Variants in KCNQ1 observed in about 807,000 individuals in gnomAD.
The protein encoded by KCNQ1 is potassium voltage-gated channel subfamily KQT member 1.
KCNQ1 carries 49 observed loss-of-function variants against 72.4 expected under a neutral mutation model. The ratio of observed to expected loss-of-function variants is 0.68; its 90% CI spans 0.54 to 0.86. The LOEUF (loss-of-function observed/expected upper bound fraction) is 0.86, where lower values mean the gene tolerates loss of function less well. Ranked by LOEUF, KCNQ1 falls within the 40% of genes least tolerant of loss-of-function variation. The probability of loss-of-function intolerance (pLI) is 0.00; values close to 1 mark genes in which losing one functional copy is unlikely to be tolerated. For missense variants in KCNQ1, 790 were observed against 945.1 expected, an observed-to-expected ratio of 0.84 and a Z score of 2.15; for synonymous variants, 450 against 412.6, an observed-to-expected ratio of 1.09 and a Z score of -1.10.
Position 2,653,189 on chromosome 11 carries a change from G to A in KCNQ1, c.1394-8772G>A, listed in dbSNP as rs1408639268. The A allele has an allele frequency of 5.0e-6, 2 of 398,742 alleles. No homozygotes were observed. The highest frequency in any genetic ancestry group is 7.1e-5 in the East Asian group (2 of 28,070). 24.7% of individuals were successfully genotyped at this position (398,742 alleles called of 1,614,324 possible). On this transcript the variant is annotated intron_variant, in intron 10 of 15. Transcript: ENST00000155840. The surrounding 1 kb of genome is among the most constrained non-coding windows in gnomAD (Gnocchi z 5.3). ...GGAAATCCCTTTCCAAGAGTTCCCT[G>A]TGCTGTTGCAGGGCTAGGGCCAGGG...
At chr11:2,632,290 G>A (rs529349343) in intron 10 of KCNQ1, 1 of 398,340 alleles carries the variant, frequency 2.5e-6, no homozygotes, top group Non-Finnish European at 4.4e-6. Flanking sequence ...AGTTTTCAGG[G>A]ATTTCTACAA....
chr11:2,588,281 C>T lies in KCNQ1; in HGVS notation c.1252-432C>T, dbSNP rs1355187556. Among the ~76,000 whole-genome samples, 1 of 152,094 alleles carries T rather than the reference C, an allele frequency of 6.6e-6. No homozygotes were observed. The highest frequency in any genetic ancestry group is 1.9e-4 in the East Asian group (1 of 5,184). ...CAGTTTCCAGCTGCCGGTGGAGCCT[C>T]CGTGCCTACTGTTCCCTGTGCTGGA... On this transcript the variant is annotated intron_variant, in intron 9 of 15. Coordinates refer to ENST00000155840, the MANE Select transcript of KCNQ1 (RefSeq NM_000218.3). The surrounding 1 kb of genome is among the most constrained non-coding windows in gnomAD (Gnocchi z 5.6).
At position 2,678,369 on chromosome 11, in the gene KCNQ1, TA is replaced by T. The variant is rs1414687351; in HGVS notation, c.1514+16291del. 2 of 398,492 alleles carry T rather than the reference TA, an allele frequency of 5.0e-6. No individual in the cohort carries two copies. Among genetic ancestry groups the T allele is most frequent in the Non-Finnish European group, 8.8e-6 (2 of 226,054 alleles). 24.7% of individuals were successfully genotyped at this position (398,492 alleles called of 1,614,324 possible). On this transcript the variant is annotated intron_variant, in intron 11 of 15. Transcript: ENST00000155840. The surrounding 1 kb of genome is among the most constrained non-coding windows in gnomAD (Gnocchi z 4.9). ...TTTATCGGGATTTTGACAGAGTAAT[TA>T]AATCCAATTTGGTTTCCCATATATT...
At position 2,698,888 on chromosome 11, in the gene KCNQ1, C is replaced by T. The variant is rs912664076; in HGVS notation, c.1514+36807C>T. Reference sequence around the variant, plus strand: ...GACTGGGACCCCAACTACTCAGATCCCAACTCAGGCAAACTCCCAGCCAGG... The same window carrying T: ...GACTGGGACCCCAACTACTCAGATCTCAACTCAGGCAAACTCCCAGCCAGG... On this transcript the variant is annotated intron_variant, in intron 11 of 15. Transcript: ENST00000155840. This position sits in a 1 kb window ranked among gnomAD's most constrained non-coding sequence, Gnocchi z 5.1. 29 of 398,788 alleles carry T rather than the reference C, an allele frequency of 7.3e-5. No homozygotes were observed. The highest frequency in any genetic ancestry group is 5.9e-4 in the African/African-American group (29 of 48,744). 24.7% of individuals were successfully genotyped at this position (398,788 alleles called of 1,614,324 possible). A position where few individuals can be genotyped will look rare whatever the true frequency, so the allele number is the denominator to read the frequency against.
At chr11:2,561,515 C>G (rs1848166933) in intron 2 of KCNQ1, among the ~76,000 whole-genome samples, 1 of 152,240 alleles carries the variant, frequency 6.6e-6, no homozygotes, top group Admixed American at 6.5e-5. Flanking sequence ...TCATTTCGCC[C>G]TCCCCACAGT....
intron 10 of KCNQ1, chr11:2,614,713 A>G (rs942405141): frequency 1.0e-5 from 4 of 398,326 alleles, no homozygotes; most frequent in African/African-American, 8.2e-5. Context: ...TACATTCTCT[A>G]TTATATTCCA....
Position 2,585,197 on chromosome 11 carries a change from T to A in KCNQ1, c.1033-15T>A, listed in dbSNP as rs534945737. On this transcript the variant is annotated splice_polypyrimidine_tract_variant and intron_variant, in intron 7 of 15. Coordinates refer to ENST00000155840, the MANE Select transcript of KCNQ1 (RefSeq NM_000218.3). ...GGCCTGTGTGGACGGGAGCCTCCTG[T>A]CCATTCCTTCCCAGGGGATTCTTGG... The A allele has an allele frequency of 1.3e-5, 21 of 1,611,750 alleles. No individual in the cohort carries two copies. The African/African-American group carries it at 1.6e-4, about 12-fold the overall frequency.
rs1398756867 is a variant in KCNQ1 at position 2,769,323 on chromosome 11, C to G, written c.1590+404C>G. 1.3e-5 allele frequency among the ~76,000 whole-genome samples: 2 copies of G among 152,150 alleles called. No individual in the cohort carries two copies. Among genetic ancestry groups the G allele is most frequent in the African/African-American group, 4.8e-5 (2 of 41,440 alleles). On this transcript the variant is annotated intron_variant, in intron 12 of 15. Coordinates refer to ENST00000155840, the MANE Select transcript of KCNQ1 (RefSeq NM_000218.3). The surrounding 1 kb of genome is among the most constrained non-coding windows in gnomAD (Gnocchi z 4.6). ...TCACCAAGCTGGGAAGGCAGGTCCCCCAGACCCCCCAGCCCTGTCCTCCAC... is the reference window on the plus strand; with the variant it reads ...TCACCAAGCTGGGAAGGCAGGTCCCGCAGACCCCCCAGCCCTGTCCTCCAC...
At chr11:2,448,788 C>T (rs1220994048) in intron 1 of KCNQ1, among the ~76,000 whole-genome samples, 2 of 152,230 alleles carry the variant, frequency 1.3e-5, no homozygotes, top group African/African-American at 4.8e-5. Flanking sequence ...TGGTCTCATC[C>T]CCTGGCTGTC....
chr11:2,543,151 C>A lies in KCNQ1; in HGVS notation c.477+15133C>A, dbSNP rs1847854092. ...GACATATCTTTTTAAATGTTTCACC[C>A]ATTGTAAAATTGGGCTGTTTGTCAT... is the stretch of plus-strand genomic sequence containing the variant. On this transcript the variant is annotated intron_variant, in intron 2 of 15. Transcript: ENST00000155840. The surrounding 1 kb of genome is among the most constrained non-coding windows in gnomAD (Gnocchi z 5.6). Among the ~76,000 whole-genome samples the A allele has an allele frequency of 6.6e-6, 1 of 152,230 alleles. No homozygotes were observed. The highest frequency in any genetic ancestry group is 2.4e-5 in the African/African-American group (1 of 41,454).
intron 15 of KCNQ1, among the ~76,000 whole-genome samples, chr11:2,837,071 TG>T (rs979539907): frequency 6.6e-6 from 1 of 152,020 alleles, no homozygotes; most frequent in Non-Finnish European, 1.5e-5. Flanking sequence ...AGCCCTCTCC[TG>T]GGGATGGGCA....
At chr11:2,675,167 C>A (rs2073956) in intron 11 of KCNQ1, 2 of 398,464 alleles carry the variant, frequency 5.0e-6, no homozygotes, top group South Asian at 1.3e-4. Flanking sequence ...AGTGCTCTAG[C>A]GGGGAAAGAT....
At chr11:2,756,441 T>TAAAAAAAAAA in intron 11 of KCNQ1, among the ~76,000 whole-genome samples, 1 of 137,246 alleles carries the variant, frequency 7.3e-6, no homozygotes, top group Non-Finnish European at 1.6e-5. Flanking sequence ...TTACTAAAAT[T>TAAAAAAAAAA]AAAAAAAAAA....
At position 2,497,886 on chromosome 11, in the gene KCNQ1, T is replaced by C. The variant is rs1392664436; in HGVS notation, c.387-30042T>C. ...GTCCCTTTTGTTGATGTTGATTTTGTTGCTTTCTGTTTGCTAGCTTTTCTT... is the reference window on the plus strand; with the variant it reads ...GTCCCTTTTGTTGATGTTGATTTTGCTGCTTTCTGTTTGCTAGCTTTTCTT... On this transcript the variant is annotated intron_variant, in intron 1 of 15. Transcript: ENST00000155840. The surrounding 1 kb of genome is among the most constrained non-coding windows in gnomAD (Gnocchi z 4.5). Among the ~76,000 whole-genome samples, 1 of 152,194 alleles carries C rather than the reference T, an allele frequency of 6.6e-6. No homozygotes were observed. The highest frequency in any genetic ancestry group is 1.5e-5 in the Non-Finnish European group (1 of 68,022).
intron 10 of KCNQ1, chr11:2,636,072 A>C (rs1296008324): frequency 6.6e-6 from 1 of 152,240 alleles, no homozygotes; most frequent in Admixed American, 6.5e-5. Context: ...TATCAGCTTA[A>C]GGAGATTTTG....
chr11:2,583,898 G>A (rs928067343), intron 7 of KCNQ1, among the ~76,000 whole-genome samples: 3 of 149,932 alleles, frequency 2.0e-5, no homozygotes, highest in African/African-American at 5.1e-5. Flanking sequence ...GCACTTCCAC[G>A]CTGTGGCTGG....
intron 10 of KCNQ1, among the ~76,000 whole-genome samples, chr11:2,596,571 T>G: frequency 6.6e-6 from 1 of 150,754 alleles, no homozygotes; most frequent in Non-Finnish European, 1.5e-5. Context: ...ATAATTATGG[T>G]GAGTGAAAGA....
At chr11:2,789,834 G>A (rs895957964) in intron 15 of KCNQ1, among the ~76,000 whole-genome samples, 6 of 152,214 alleles carry the variant, frequency 3.9e-5, no homozygotes, top group Admixed American at 2.0e-4. Flanking sequence ...GGAGGTGAGT[G>A]TGATGGGAAA....
chr11:2,531,183 T>C lies in KCNQ1; in HGVS notation c.477+3165T>C, dbSNP rs556772173. On this transcript the variant is annotated intron_variant, in intron 2 of 15. Transcript: ENST00000155840. Reference sequence around the variant, plus strand: ...AGGGACCTTCAGACGTGCCCTGGGCTCCACATGCCCGTCTGCAGCTCGAGA... The same window carrying C: ...AGGGACCTTCAGACGTGCCCTGGGCCCCACATGCCCGTCTGCAGCTCGAGA... 7.7e-5 allele frequency among the ~76,000 whole-genome samples: 11 copies of C among 142,086 alleles called. 1 individual carries two copies. The East Asian group carries it at 2.3e-3, about 30-fold the overall frequency. 93.2% of individuals were successfully genotyped at this position (142,086 alleles called of 152,430 possible). A position where few individuals can be genotyped will look rare whatever the true frequency, so the allele number is the denominator to read the frequency against.
Sources: gnomAD v4.1 joint callset for allele counts (sites outside exome capture counted in the v4.1 genomes callset) on GRCh38, gnomAD v4.1.1 for gene constraint, Gnocchi (gnomAD v3.1) non-coding constraint, MANE v1.5 for transcripts, NCBI Gene and HGNC (gene_info 2026-07-23, HGNC 2026-07-21) for gene names.